Variants in SAMD12 observed in about 807,000 individuals in gnomAD.
SAMD12 encodes the protein sterile alpha motif domain-containing protein 12.
Under a neutral mutation model 15.0 loss-of-function variants are expected in SAMD12, and 9 were observed. The observed-to-expected ratio is 0.60, with a 90% CI of 0.36 to 1.05. The LOEUF is 1.05. Among genes scored for constraint, SAMD12 ranks in the 50% least tolerant of loss-of-function variants. The pLI is 0.01. For synonymous variants in SAMD12, 86 were observed against 90.1 expected, an observed-to-expected ratio of 0.96 and a Z score of 0.25; for missense variants, 230 against 234.2, an observed-to-expected ratio of 0.98 and a Z score of 0.12.
intron 4 of SAMD12, among the ~76,000 whole-genome samples, chr8:118,290,637 T>C (rs1329846984): frequency 2.0e-5 from 3 of 152,230 alleles, no homozygotes; most frequent in Non-Finnish European, 4.4e-5. Flanking sequence ...TGCTAATCCA[T>C]TGCTCCCATT....
chr8:118,194,750 T>G (rs1433936789), exon 5 of SAMD12: 1 of 152,202 alleles, frequency 6.6e-6, no homozygotes, highest in African/African-American at 2.4e-5. Flanking sequence ...ATTCCGTACA[T>G]GCATCTTGGG....
At chr8:118,576,107 T>C (rs889474695) in intron 2 of SAMD12, among the ~76,000 whole-genome samples, 1 of 152,094 alleles carries the variant, frequency 6.6e-6, no homozygotes, top group African/African-American at 2.4e-5. Context: ...AGAACTTCAA[T>C]GGTTTCCCAC....
At chr8:118,343,041 G>A (rs148287973) in intron 4 of SAMD12, among the ~76,000 whole-genome samples, 1 of 152,244 alleles carries the variant, frequency 6.6e-6, no homozygotes, top group Non-Finnish European at 1.5e-5. Flanking sequence ...AACTAAGTGA[G>A]CTCACAGAAG....
At chr8:118,580,679 T>A (rs16891213) in intron 2 of SAMD12, 36 bp downstream of exon 2, 4 of 1,536,578 alleles carry the variant, frequency 2.6e-6, no homozygotes, top group Admixed American at 1.7e-5. Flanking sequence ...AGGCTGCAGC[T>A]TTCAAATCTC....
At chr8:118,236,931 AAGG>A (rs1812448329) in intron 4 of SAMD12, among the ~76,000 whole-genome samples, 1 of 152,200 alleles carries the variant, frequency 6.6e-6, no homozygotes, top group Non-Finnish European at 1.5e-5. Context: ...CAAAGGGCAG[AAGG>A]GACATAGTTT....
At chr8:118,306,720 T>C (rs1005025081) in intron 4 of SAMD12, among the ~76,000 whole-genome samples, 1 of 152,212 alleles carries the variant, frequency 6.6e-6, no homozygotes, top group Non-Finnish European at 1.5e-5. Context: ...TCTGTGCTTA[T>C]TGCAGCTGAA....
chr8:118,163,781 G>A, the SAMD12 span, among the ~76,000 whole-genome samples: 75 of 152,148 alleles, frequency 4.9e-4, 1 homozygote, highest in Admixed American at 1.2e-3. Flanking sequence ...AGGCTGAGGC[G>A]GGAGAATGGA....
At chr8:118,591,264 T>G (rs1827579654) in intron 1 of SAMD12, among the ~76,000 whole-genome samples, 1 of 152,198 alleles carries the variant, frequency 6.6e-6, no homozygotes, top group South Asian at 2.1e-4. Context: ...TTGATTTACA[T>G]GTTTTCATTC....
At chr8:118,340,266 G>C (rs1456105307) in intron 4 of SAMD12, among the ~76,000 whole-genome samples, 1 of 152,118 alleles carries the variant, frequency 6.6e-6, no homozygotes, top group African/African-American at 2.4e-5. Context: ...ATGAATGGGA[G>C]CTGCCTTTAT....
intron 4 of SAMD12, among the ~76,000 whole-genome samples, chr8:118,206,604 A>G (rs1378273285): frequency 6.6e-6 from 1 of 152,260 alleles, no homozygotes; most frequent in Non-Finnish European, 1.5e-5. Context: ...TCCAATCTGT[A>G]TAATTACACA....
chr8:118,470,262 A>G (rs1186886942), intron 2 of SAMD12, among the ~76,000 whole-genome samples: 1 of 151,822 alleles, frequency 6.6e-6, no homozygotes, highest in Admixed American at 6.6e-5. Context: ...TTTTTTAAAA[A>G]AAAAGGAGGT....
intron 2 of SAMD12, among the ~76,000 whole-genome samples, chr8:118,448,622 C>T (rs570949986): frequency 6.6e-5 from 10 of 152,314 alleles, no homozygotes; most frequent in South Asian, 2.1e-4. Context: ...GCCTTTCCTC[C>T]GATTAGATTT....
At chr8:118,430,810 T>C (rs1822379068) in intron 3 of SAMD12, among the ~76,000 whole-genome samples, 1 of 152,242 alleles carries the variant, frequency 6.6e-6, no homozygotes, top group African/African-American at 2.4e-5. Context: ...GTGTTTCTTC[T>C]AGAGAGCATA....
intron 4 of SAMD12, among the ~76,000 whole-genome samples, chr8:118,273,491 A>G (rs749301319): frequency 3.3e-5 from 5 of 152,304 alleles, no homozygotes; most frequent in South Asian, 4.1e-4. Flanking sequence ...CAGCTTTTAT[A>G]TAAGTTTCCC....
At chr8:118,523,046 T>A in intron 2 of SAMD12, among the ~76,000 whole-genome samples, 1 of 152,212 alleles carries the variant, frequency 6.6e-6, no homozygotes, top group East Asian at 1.9e-4. Flanking sequence ...AAATGTACTT[T>A]TTAGATATAT....
chr8:118,418,753 A>G (rs930113131), intron 3 of SAMD12, among the ~76,000 whole-genome samples: 1 of 152,176 alleles, frequency 6.6e-6, no homozygotes, highest in Non-Finnish European at 1.5e-5. Flanking sequence ...AGTTTCTTAA[A>G]TAAAAAGCAG....
intron 4 of SAMD12, among the ~76,000 whole-genome samples, chr8:118,248,994 G>A (rs1185885001): frequency 2.0e-5 from 3 of 151,958 alleles, no homozygotes; most frequent in East Asian, 3.9e-4. Context: ...GATCCCCCAC[G>A]GATCCCAAAA....
intron 4 of SAMD12, among the ~76,000 whole-genome samples, chr8:118,264,364 G>T (rs1813151760): frequency 1.3e-5 from 2 of 152,188 alleles, no homozygotes; most frequent in Non-Finnish European, 2.9e-5. Context: ...CCACTTTAAT[G>T]ACATGAATAA....
At chr8:118,535,138 CT>C (rs1196641048) in intron 2 of SAMD12, among the ~76,000 whole-genome samples, 1 of 152,136 alleles carries the variant, frequency 6.6e-6, no homozygotes. Flanking sequence ...TGTGGATGTC[CT>C]TTCTGTTTGT....
Sources: allele counts gnomAD v4.1 joint callset (sites outside exome capture counted in the v4.1 genomes callset), GRCh38; gene constraint gnomAD v4.1.1; transcripts MANE v1.5; gene names NCBI Gene and HGNC (gene_info 2026-07-23, HGNC 2026-07-21).